Variants in PHACTR2 observed in about 807,000 individuals in gnomAD.
The protein encoded by PHACTR2 is phosphatase and actin regulator 2.
PHACTR2 carries 30 observed loss-of-function variants against 76.0 expected under a neutral mutation model. That is an observed-to-expected ratio of 0.39 (90% CI 0.30 to 0.54). The LOEUF is 0.54. Among genes scored for constraint, PHACTR2 ranks in the 20% least tolerant of loss-of-function variants. The probability of loss-of-function intolerance (pLI) is 0.61; values close to 1 mark genes in which losing one functional copy is unlikely to be tolerated. For missense variants in PHACTR2, 696 were observed against 781.1 expected, an observed-to-expected ratio of 0.89 and a Z score of 1.30; for synonymous variants, 292 against 292.5, an observed-to-expected ratio of 1.00 and a Z score of 0.02.
chr6:143,715,071 A>G (rs562224244), intron 2 of PHACTR2, among the ~76,000 whole-genome samples: 2 of 152,154 alleles, frequency 1.3e-5, no homozygotes, highest in African/African-American at 2.4e-5. Flanking sequence ...TTCTTCCCAC[A>G]TTCTCATTCC....
At position 143,767,069 on chromosome 6, in the gene PHACTR2, A is replaced by T. The variant is rs897227786; in HGVS notation, c.1232+1271A>T. Among the ~76,000 whole-genome samples the T allele has an allele frequency of 1.3e-5, 2 of 152,246 alleles. No homozygotes were observed. Among genetic ancestry groups the T allele is most frequent in the African/African-American group, 4.8e-5 (2 of 41,464 alleles). ...GTTTTGGTCAAGAAACTAAAATATCAACTTTAATTCTTTAATTGCTAATGA... is the reference window on the plus strand; with the variant it reads ...GTTTTGGTCAAGAAACTAAAATATCTACTTTAATTCTTTAATTGCTAATGA... On this transcript the variant is annotated intron_variant, in intron 6 of 12. Transcript: ENST00000440869. This position sits in a 1 kb window ranked among gnomAD's most constrained non-coding sequence, Gnocchi z 4.4.
At chr6:143,542,914 G>C (rs529801370) in intron 1 of PHACTR2, among the ~76,000 whole-genome samples, 1 of 152,190 alleles carries the variant, frequency 6.6e-6, no homozygotes, top group Non-Finnish European at 1.5e-5. Flanking sequence ...CATGTAGAAG[G>C]GACTGAGCCT....
chr6:143,725,580 G>A (rs1395838693), intron 2 of PHACTR2, among the ~76,000 whole-genome samples: 1 of 151,596 alleles, frequency 6.6e-6, no homozygotes, highest in Non-Finnish European at 1.5e-5. Flanking sequence ...CCATAGTTTT[G>A]TTGTTTCAAG....
intron 1 of PHACTR2, among the ~76,000 whole-genome samples, chr6:143,551,260 A>G (rs1181433988): frequency 1.4e-5 from 2 of 138,252 alleles, no homozygotes; most frequent in Non-Finnish European, 3.3e-5. Context: ...CTGTGTATAC[A>G]CTGTATTTTT....
At position 143,767,844 on chromosome 6, in the gene PHACTR2, GT is replaced by G. The variant is rs1395804804; in HGVS notation, c.1232+2050del. Reference sequence around the variant, plus strand: ...AGGATGAAGGTTTTTGTTTTGTTTTGTTTTGTTTTTTGAGACAGAATCTTGC... The same window carrying G: ...AGGATGAAGGTTTTTGTTTTGTTTTGTTTGTTTTTTGAGACAGAATCTTGC... On this transcript the variant is annotated intron_variant, in intron 6 of 12. Transcript: ENST00000440869. The surrounding 1 kb of genome is among the most constrained non-coding windows in gnomAD (Gnocchi z 4.4). Among the ~76,000 whole-genome samples the G allele has an allele frequency of 6.6e-6, 1 of 152,048 alleles. No homozygotes were observed. The highest frequency in any genetic ancestry group is 1.5e-5 in the Non-Finnish European group (1 of 67,976).
At chr6:143,718,914 G>T (rs933672792) in intron 2 of PHACTR2, among the ~76,000 whole-genome samples, 1 of 138,134 alleles carries the variant, frequency 7.2e-6, no homozygotes, top group African/African-American at 2.6e-5. Context: ...ACAGAGTCTC[G>T]CTCTGTCATC....
chr6:143,568,220 C>T (rs545640858), intron 1 of PHACTR2, among the ~76,000 whole-genome samples: 111 of 152,194 alleles, frequency 7.3e-4, no homozygotes, highest in Non-Finnish European at 1.1e-3. Context: ...ACTAGAGATA[C>T]CACCAAAGGA....
rs1777746946 is a variant in PHACTR2, at chr6:143,695,283, C to T, written c.47-16733C>T. 6.6e-6 allele frequency among the ~76,000 whole-genome samples: 1 copy of T among 152,200 alleles called. No individual in the cohort carries two copies. Among genetic ancestry groups the T allele is most frequent in the Admixed American group, 6.5e-5 (1 of 15,286 alleles). ...AAGCTCTTAGCCAAACCTCTACACC[C>T]TTTAGTTGTGACTCTGTCATTGTAG... On this transcript the variant is annotated intron_variant, in intron 1 of 12. Transcript: ENST00000440869. The surrounding 1 kb of genome is among the most constrained non-coding windows in gnomAD (Gnocchi z 4.4).
chr6:143,784,452 G>A lies in PHACTR2; in HGVS notation c.1707+1172G>A, dbSNP rs574962873. On this transcript the variant is annotated intron_variant, in intron 10 of 12. Transcript: ENST00000440869. The surrounding 1 kb of genome is among the most constrained non-coding windows in gnomAD (Gnocchi z 4.5). ...CCTTATGCACCTAAAAATGGATAAAGTGACTAAAATGTGACATCTACATGA... is the reference window on the plus strand; with the variant it reads ...CCTTATGCACCTAAAAATGGATAAAATGACTAAAATGTGACATCTACATGA... 6.6e-6 allele frequency among the ~76,000 whole-genome samples: 1 copy of A among 152,264 alleles called. No homozygotes were observed. The highest frequency in any genetic ancestry group is 2.1e-4 in the South Asian group (1 of 4,822).
At position 143,825,563 on chromosome 6, in the gene PHACTR2, G is replaced by A. The variant is rs764374488; in HGVS notation, c.*1874G>A. ...CATGCCCAGGTGTCTGTCTCTGGCTGAGGTTTTGTCTATTTTACAGTGTTT... is the reference window on the plus strand; with the variant it reads ...CATGCCCAGGTGTCTGTCTCTGGCTAAGGTTTTGTCTATTTTACAGTGTTT... On this transcript the variant is annotated 3_prime_UTR_variant, in exon 13 of 13. Coordinates refer to ENST00000440869, the MANE Select transcript of PHACTR2 (RefSeq NM_001100164.2). This position sits in a 1 kb window ranked among gnomAD's most constrained non-coding sequence, Gnocchi z 4.1. The A allele has an allele frequency of 6.6e-6, 1 of 152,000 alleles. No individual in the cohort carries two copies. The highest frequency in any genetic ancestry group is 1.5e-5 in the Non-Finnish European group (1 of 68,008). The allele number at this position is 152,000 out of a possible 1,614,324, so 9.4% of individuals were successfully genotyped here.
intron 2 of PHACTR2, among the ~76,000 whole-genome samples, chr6:143,744,394 A>G (rs1024542704): frequency 3.3e-5 from 5 of 152,256 alleles, no homozygotes; most frequent in African/African-American, 1.2e-4. Flanking sequence ...AACGTTGGGG[A>G]CACAGCAGTA....
rs143638118 is a variant in PHACTR2, at chr6:143,723,167, G to A, written c.214+10984G>A. ...GTCCAGAAAGTCAGATCTTGTCTTCGACACCATCAGTTGAAATGGCTTTTC... is the reference window on the plus strand; with the variant it reads ...GTCCAGAAAGTCAGATCTTGTCTTCAACACCATCAGTTGAAATGGCTTTTC... On this transcript the variant is annotated intron_variant, in intron 2 of 12. Coordinates refer to ENST00000440869, the MANE Select transcript of PHACTR2 (RefSeq NM_001100164.2). Among the ~76,000 whole-genome samples, 531 of 152,142 alleles carry A rather than the reference G, an allele frequency of 3.5e-3. 5 individuals are homozygous for A. Among genetic ancestry groups the A allele is most frequent in the African/African-American group, 0.012 (487 of 41,492 alleles).
At chr6:143,762,329 G>A (rs1021172528) in intron 5 of PHACTR2, among the ~76,000 whole-genome samples, 2 of 152,156 alleles carry the variant, frequency 1.3e-5, no homozygotes, top group Non-Finnish European at 2.9e-5. Flanking sequence ...CCAGGTCAGG[G>A]GACAGCTTTC....
In PHACTR2 at chr6:143,576,875, C is replaced by CAAA. The variant is rs35937662; in HGVS notation, c.217+39699_217+39701dup. ...TGGGTGACAGAGTGAGACTCTGTCT[C>CAAA]AAAAAAAAAAAAAAAAAAAAAAAAA... On this transcript the variant is annotated intron_variant, in intron 1 of 11. Transcript: ENST00000367584. Among the ~76,000 whole-genome samples the CAAA allele has an allele frequency of 3.2e-3, 332 of 102,496 alleles. 5 individuals carry two copies. The highest frequency in any genetic ancestry group is 0.015 in the East Asian group (44 of 2,840). 67.2% of individuals were successfully genotyped at this position (102,496 alleles called of 152,430 possible).
At chr6:143,569,851 C>T (rs115397180) in intron 1 of PHACTR2, among the ~76,000 whole-genome samples, 1,545 of 152,280 alleles carry the variant, frequency 0.01, 30 homozygotes, top group African/African-American at 0.033. Flanking sequence ...TGGCAAAAGT[C>T]TGAGAAATGC....
At chr6:143,693,959 C>A (rs947591155) in intron 1 of PHACTR2, among the ~76,000 whole-genome samples, 1 of 152,058 alleles carries the variant, frequency 6.6e-6, no homozygotes, top group Non-Finnish European at 1.5e-5. Context: ...GTCCCAGATA[C>A]CCAAGAGTCC....
intron 1 of PHACTR2, among the ~76,000 whole-genome samples, chr6:143,707,349 G>A (rs1293911447): frequency 6.6e-6 from 1 of 152,126 alleles, no homozygotes; most frequent in Non-Finnish European, 1.5e-5. Flanking sequence ...CATTCTCATC[G>A]ACCTTCAGAT....
Position 143,755,341 on chromosome 6 carries a change from GGCA to G in PHACTR2, c.454+1432_454+1434del, listed in dbSNP as rs774662666. The G allele has an allele frequency of 4.4e-6, 2 of 455,874 alleles. No individual in the cohort carries two copies. Among genetic ancestry groups the G allele is most frequent in the South Asian group, 3.1e-5 (2 of 64,558 alleles). The allele number at this position is 455,874 out of a possible 1,614,324, so 28.2% of individuals were successfully genotyped here. Reference sequence around the variant, plus strand: ...TCAAATCCATCTGTGGTTTGTCCCTGGCAGCCTTCTCACATCCAAGAATCGCAT... The same window carrying G: ...TCAAATCCATCTGTGGTTTGTCCCTGGCCTTCTCACATCCAAGAATCGCAT... On this transcript the variant is annotated intron_variant, in intron 4 of 12. Transcript: ENST00000440869. The surrounding 1 kb of genome is among the most constrained non-coding windows in gnomAD (Gnocchi z 5.2).
chr6:143,739,167 C>T lies in PHACTR2; in HGVS notation c.215-9818C>T, dbSNP rs1778885641. 6.6e-6 allele frequency among the ~76,000 whole-genome samples: 1 copy of T among 152,174 alleles called. No individual in the cohort carries two copies. Among genetic ancestry groups the T allele is most frequent in the South Asian group, 2.1e-4 (1 of 4,832 alleles). On this transcript the variant is annotated intron_variant, in intron 2 of 12. Coordinates refer to ENST00000440869, the MANE Select transcript of PHACTR2 (RefSeq NM_001100164.2). The surrounding 1 kb of genome is among the most constrained non-coding windows in gnomAD (Gnocchi z 4.3). ...GCAAGCTCCGCCTCCCGGGTTCACT[C>T]CGTTCTCCTGCCTCAGCCTCCCAAG...
Sources: allele counts gnomAD v4.1 joint callset (sites outside exome capture counted in the v4.1 genomes callset), GRCh38; gene constraint gnomAD v4.1.1; non-coding constraint Gnocchi (gnomAD v3.1); transcripts MANE v1.5; gene names NCBI Gene and HGNC (gene_info 2026-07-23, HGNC 2026-07-21).